Variants in SHISAL1 observed in about 807,000 individuals in gnomAD.
SHISAL1 encodes protein shisa-like-1.
SHISAL1 carries 9 observed loss-of-function variants against 22.6 expected under a neutral mutation model. That is an observed-to-expected ratio of 0.40 (90% CI 0.24 to 0.70). The LOEUF (loss-of-function observed/expected upper bound fraction) is 0.70. SHISAL1 is among the 30% of genes least tolerant of loss of function. The pLI is 0.39. For missense variants in SHISAL1, 246 were observed against 270.6 expected (o/e 0.91, Z 0.64); for synonymous variants, 119 against 115.4 (o/e 1.03, Z -0.20).
intron 4 of SHISAL1, among the ~76,000 whole-genome samples, chr22:44,276,066 A>G (rs2055237626): frequency 6.6e-6 from 1 of 152,240 alleles, no homozygotes; most frequent in Admixed American, 6.5e-5. Flanking sequence ...GGAGACAGGC[A>G]CAAAGCCACA....
chr22:44,325,292 G>A, the SHISAL1 span, among the ~76,000 whole-genome samples: 1 of 151,766 alleles, frequency 6.6e-6, no homozygotes, highest in Non-Finnish European at 1.5e-5. Flanking sequence ...TGAGCTGAAG[G>A]CTGAACCTGG....
chr22:44,259,141 T>A (rs1308407440), intron 4 of SHISAL1, among the ~76,000 whole-genome samples: 3 of 152,166 alleles, frequency 2.0e-5, no homozygotes, highest in African/African-American at 7.2e-5. Context: ...GGTGGCCACA[T>A]GGTAGAAACG....
intron 3 of SHISAL1, among the ~76,000 whole-genome samples, chr22:44,287,415 G>C (rs1386762807): frequency 1.3e-5 from 2 of 152,178 alleles, no homozygotes; most frequent in African/African-American, 4.8e-5. Context: ...CTGCTCGGGT[G>C]CCTGGGAGCT....
chr22:44,255,190 A>G (rs77000379), intron 4 of SHISAL1, among the ~76,000 whole-genome samples: 1,740 of 151,902 alleles, frequency 0.011, 11 homozygotes, highest in Non-Finnish European at 0.016. Flanking sequence ...ATATATATAT[A>G]TTTTTTTTGA....
chr22:44,247,874 C>G lies in SHISAL1; in HGVS notation c.*1811G>C, dbSNP rs1261710659. The stretch of plus-strand genomic sequence containing the variant: ...GCCTTCCCTCTGGGTCCCCAGCCAC[C>G]TGGCTTTCTTGTGCCACCTGGCTTT... On this transcript the variant is annotated 3_prime_UTR_variant, in exon 5 of 5. Coordinates refer to ENST00000381176, the MANE Select transcript of SHISAL1 (RefSeq NM_001099294.2). 2 of 151,844 alleles carry G rather than the reference C, an allele frequency of 1.3e-5. No homozygotes were observed. Among genetic ancestry groups the G allele is most frequent in the Non-Finnish European group, 2.9e-5 (2 of 67,826 alleles). The allele number at this position is 151,844 out of a possible 1,614,324, so 9.4% of individuals were successfully genotyped here.
intron 4 of SHISAL1, among the ~76,000 whole-genome samples, chr22:44,266,525 G>GGTGTGTGT (rs386395566): frequency 8.7e-5 from 4 of 45,716 alleles, no homozygotes; most frequent in African/African-American, 2.2e-4. Flanking sequence ...GGGGCTTTGG[G>GGTGTGTGT]GTATGTGTGT....
upstream of SHISAL1, among the ~76,000 whole-genome samples, chr22:44,315,906 T>A (rs2055555605): frequency 6.6e-6 from 1 of 152,004 alleles, no homozygotes; most frequent in Non-Finnish European, 1.5e-5. Flanking sequence ...AATGGCAGGA[T>A]GGGTCTCCAT....
In SHISAL1 at chr22:44,248,412, A is replaced by G. The variant is rs1481453682; in HGVS notation, c.*1273T>C. On this transcript the variant is annotated 3_prime_UTR_variant, in exon 5 of 5. Transcript: ENST00000381176. ...TACACTGGCAGCATGGCCTTTGGAG[A>G]TGTTTGTGATGATTTAGGTGATGCC... The G allele has an allele frequency of 6.6e-6, 1 of 152,170 alleles. No homozygotes were observed. Among genetic ancestry groups the G allele is most frequent in the East Asian group, 1.9e-4 (1 of 5,178 alleles). The allele number at this position is 152,170 out of a possible 1,614,324, so 9.4% of individuals were successfully genotyped here. A position where few individuals can be genotyped will look rare whatever the true frequency, so the allele number is the denominator to read the frequency against.
At chr22:44,264,263 T>C (rs956369722) in intron 4 of SHISAL1, among the ~76,000 whole-genome samples, 2 of 152,110 alleles carry the variant, frequency 1.3e-5, no homozygotes, top group African/African-American at 4.8e-5. Flanking sequence ...CATTTTACAG[T>C]TGCGTAAAGT....
In SHISAL1 at chr22:44,277,368, C is replaced by T. The variant is rs373272404; in HGVS notation, c.599+8060G>A. Among the ~76,000 whole-genome samples the T allele has an allele frequency of 9.2e-5, 14 of 152,342 alleles. No individual in the cohort carries two copies. The East Asian group carries it at 2.3e-3, about 25-fold the overall frequency. On this transcript the variant is annotated intron_variant, in intron 4 of 4. Coordinates refer to ENST00000381176, the MANE Select transcript of SHISAL1 (RefSeq NM_001099294.2). ...TGCCTGCTGGAGGCCCTCCAGGTACCTCAAAACAGGGGACCTGGGATTTGA... is the reference window on the plus strand; with the variant it reads ...TGCCTGCTGGAGGCCCTCCAGGTACTTCAAAACAGGGGACCTGGGATTTGA...
At chr22:44,292,599 C>A (rs867085875) in intron 3 of SHISAL1, among the ~76,000 whole-genome samples, 1 of 152,224 alleles carries the variant, frequency 6.6e-6, no homozygotes. Flanking sequence ...CAGACAGGCA[C>A]AGAGGTGGAC....
intron 3 of SHISAL1, among the ~76,000 whole-genome samples, chr22:44,290,299 G>A (rs1356571530): frequency 6.6e-6 from 1 of 152,202 alleles, no homozygotes; most frequent in East Asian, 1.9e-4. Context: ...GGAGGCCGAA[G>A]TGGGTGGATC....
chr22:44,301,140 T>C (rs1454978408), intron 1 of SHISAL1, among the ~76,000 whole-genome samples, 163 bp from the exon 2 acceptor site: 2 of 152,208 alleles, frequency 1.3e-5, no homozygotes, highest in Non-Finnish European at 2.9e-5. Flanking sequence ...TCCAATTTCC[T>C]TTCTGGAATG....
At chr22:44,265,668 A>G (rs1329216161) in intron 4 of SHISAL1, among the ~76,000 whole-genome samples, 1 of 152,230 alleles carries the variant, frequency 6.6e-6, no homozygotes, top group Non-Finnish European at 1.5e-5. Flanking sequence ...AGCACTAACT[A>G]GCTAATACAA....
chr22:44,297,004 C>T (rs542495839), intron 2 of SHISAL1, 119 bp from the exon 3 acceptor site: 16 of 747,390 alleles, frequency 2.1e-5, no homozygotes, highest in Middle Eastern at 3.9e-4. Context: ...CCCTGGATGC[C>T]TTTGTGGTCC....
the SHISAL1 span, among the ~76,000 whole-genome samples, chr22:44,320,954 C>T: frequency 1.3e-5 from 2 of 152,214 alleles, no homozygotes; most frequent in Non-Finnish European, 2.9e-5. Context: ...AGTCAAGACA[C>T]AAGCAACTGG....
At chr22:44,320,257 C>T in the SHISAL1 span, among the ~76,000 whole-genome samples, 2 of 152,132 alleles carry the variant, frequency 1.3e-5, no homozygotes, top group African/African-American at 2.4e-5. Flanking sequence ...CACAAACGTC[C>T]GATCTTAGCC....
intron 4 of SHISAL1, among the ~76,000 whole-genome samples, chr22:44,259,139 C>CCCTGTTGCA (rs2055104838): frequency 2.0e-5 from 3 of 152,180 alleles, no homozygotes; most frequent in African/African-American, 7.2e-5. Context: ...AGGGTGGCCA[C>CCCTGTTGCA]ATGGTAGAAA....
At chr22:44,279,076 T>A (rs941263235) in intron 4 of SHISAL1, among the ~76,000 whole-genome samples, 1 of 152,162 alleles carries the variant, frequency 6.6e-6, no homozygotes, top group African/African-American at 2.4e-5. Context: ...GTTCTGAGCC[T>A]TTCTGTCACC....
Sources: gnomAD v4.1 joint callset for allele counts (sites outside exome capture counted in the v4.1 genomes callset) on GRCh38, gnomAD v4.1.1 for gene constraint, MANE v1.5 for transcripts, NCBI Gene and HGNC (gene_info 2026-07-23, HGNC 2026-07-21) for gene names.